The following CDK14 variants were observed in gnomAD, a reference collection of about 807,000 sequenced individuals.
CDK14 encodes cyclin dependent kinase 14, also known as cyclin-dependent kinase 14.
Under a neutral mutation model 60.7 loss-of-function variants are expected in CDK14, and 34 were observed. That is an observed-to-expected ratio of 0.56 (90% CI 0.43 to 0.75). The LOEUF is 0.75. Among genes scored for constraint, CDK14 ranks in the 30% least tolerant of loss-of-function variants. The probability of loss-of-function intolerance (pLI) is 0.00; values close to 1 mark genes in which losing one functional copy is unlikely to be tolerated. For missense variants in CDK14, 482 were observed against 564.1 expected, an observed-to-expected ratio of 0.85 and a Z score of 1.47; for synonymous variants, 197 against 203.7, an observed-to-expected ratio of 0.97 and a Z score of 0.28.
rs116758875 is a variant in CDK14, at chr7:90,740,527, G to C, written c.370-7154G>C. Among the ~76,000 whole-genome samples the C allele has an allele frequency of 6.1e-3, 923 of 152,166 alleles. 14 individuals carry two copies. The highest frequency in any genetic ancestry group is 0.021 in the African/African-American group (869 of 41,516). ...AGGGATCCCATCAACCAGAGGGAAG[G>C]CCATGTGAGGACACAAGAGAAGGTG... On this transcript the variant is annotated intron_variant, in intron 3 of 14. Transcript: ENST00000380050.
intron 6 of CDK14, among the ~76,000 whole-genome samples, chr7:90,873,494 C>A (rs1734138788): frequency 6.6e-6 from 1 of 152,084 alleles, no homozygotes; most frequent in Non-Finnish European, 1.5e-5. Context: ...CTTTTTCTTC[C>A]ATTTTATGAA....
intron 4 of CDK14, among the ~76,000 whole-genome samples, chr7:90,758,516 A>G (rs1041032045): frequency 1.3e-5 from 2 of 152,180 alleles, no homozygotes; most frequent in Non-Finnish European, 2.9e-5. Context: ...TTTACCTCTC[A>G]GTTTACCAAG....
chr7:90,636,599 T>G (rs1380438049), intron 2 of CDK14, among the ~76,000 whole-genome samples: 1 of 151,768 alleles, frequency 6.6e-6, no homozygotes, highest in Non-Finnish European at 1.5e-5. Flanking sequence ...AATTCTCTTT[T>G]TTGGTTGTAT....
intron 10 of CDK14, among the ~76,000 whole-genome samples, chr7:91,038,821 A>G (rs1797003079): frequency 2.6e-5 from 4 of 152,354 alleles, no homozygotes; most frequent in African/African-American, 4.8e-5. Flanking sequence ...GAGTTTCCCT[A>G]CACAAGCTCT....
rs59565390 is a variant in CDK14 at position 91,184,204 on chromosome 7, TAAA to T, written c.*29-22942_*29-22940del. ...TGGGTGACAGAGTGAGGCTCCGTCT[TAAA>T]AAAAAAAAAAAAAAAAAATTAGCTG... On this transcript the variant is annotated intron_variant, in intron 14 of 14. Coordinates refer to ENST00000380050, the MANE Select transcript of CDK14 (RefSeq NM_001287135.2). Among the ~76,000 whole-genome samples, 154 of 36,670 alleles carry T rather than the reference TAAA, an allele frequency of 4.2e-3. 6 individuals carry two copies. In the Middle Eastern group the frequency reaches 0.11, roughly 26 times the overall value. 24.1% of individuals were successfully genotyped at this position (36,670 alleles called of 152,430 possible).
At chr7:91,197,780 AG>A (rs1213935275) in intron 14 of CDK14, among the ~76,000 whole-genome samples, 1 of 152,254 alleles carries the variant, frequency 6.6e-6, no homozygotes, top group African/African-American at 2.4e-5. Flanking sequence ...TGTCTTTGAC[AG>A]CTCATCTTGG....
intron 14 of CDK14, among the ~76,000 whole-genome samples, chr7:91,123,893 G>A (rs924586228): frequency 7.2e-5 from 11 of 151,946 alleles, no homozygotes; most frequent in East Asian, 3.9e-4. Flanking sequence ...CATTCTTAAA[G>A]CATTTTTGTT....
intron 5 of CDK14, among the ~76,000 whole-genome samples, chr7:90,825,649 A>T (rs2188238): frequency 0.72 from 109,242 of 152,028 alleles, 39,462 homozygotes; most frequent in East Asian, 0.89. Context: ...AAAATATGGC[A>T]TGTTATGCAA....
At chr7:90,782,646 C>A (rs1805390996) in intron 4 of CDK14, among the ~76,000 whole-genome samples, 1 of 152,022 alleles carries the variant, frequency 6.6e-6, no homozygotes, top group South Asian at 2.1e-4. Flanking sequence ...TTATCCTTCA[C>A]TCCACACACA....
intron 14 of CDK14, among the ~76,000 whole-genome samples, chr7:91,158,129 C>T (rs1371538700): frequency 6.8e-6 from 1 of 147,146 alleles, no homozygotes; most frequent in African/African-American, 2.5e-5. Context: ...AGTATATATA[C>T]ATTATATACA....
chr7:90,765,847 A>C (rs921845397), intron 4 of CDK14, among the ~76,000 whole-genome samples: 10 of 152,208 alleles, frequency 6.6e-5, no homozygotes, highest in Non-Finnish European at 1.5e-4. Flanking sequence ...GAGTCAGTAG[A>C]AAGAGAAAAA....
intron 10 of CDK14, among the ~76,000 whole-genome samples, chr7:91,013,400 G>C (rs1796214690): frequency 6.6e-6 from 1 of 152,126 alleles, no homozygotes; most frequent in East Asian, 1.9e-4. Context: ...CTTTGTATTT[G>C]ACTTCATTAC....
At chr7:91,191,715 T>C (rs1236721135) in intron 14 of CDK14, among the ~76,000 whole-genome samples, 4 of 151,668 alleles carry the variant, frequency 2.6e-5, no homozygotes, top group Non-Finnish European at 5.9e-5. Flanking sequence ...GAAGGGGAAA[T>C]GAGGAATGGT....
chr7:90,828,765 T>G lies in CDK14; in HGVS notation c.545-34410T>G, dbSNP rs376220667. 3.3e-5 allele frequency among the ~76,000 whole-genome samples: 5 copies of G among 152,338 alleles called. No homozygotes were observed. The South Asian group carries it at 8.3e-4, about 25-fold the overall frequency. ...TAAAGAAATTATACTCTTTTACAAT[T>G]CAGATGTTTGAGGTCTCTGTTGACA... On this transcript the variant is annotated intron_variant, in intron 5 of 14. Coordinates refer to ENST00000380050, the MANE Select transcript of CDK14 (RefSeq NM_001287135.2).
chr7:90,827,035 G>A (rs141045746), intron 5 of CDK14, among the ~76,000 whole-genome samples: 4 of 152,006 alleles, frequency 2.6e-5, no homozygotes, highest in African/African-American at 7.2e-5. Flanking sequence ...ACAGTATCAT[G>A]CAGAATACTT....
At chr7:90,998,813 C>A (rs1207650887) in intron 10 of CDK14, among the ~76,000 whole-genome samples, 1 of 152,184 alleles carries the variant, frequency 6.6e-6, no homozygotes, top group Admixed American at 6.6e-5. Flanking sequence ...GGCCTGAACC[C>A]GGGAGGCGGA....
chr7:90,785,221 G>A (rs1490663072), intron 4 of CDK14, among the ~76,000 whole-genome samples: 1 of 152,074 alleles, frequency 6.6e-6, no homozygotes, highest in Non-Finnish European at 1.5e-5. Flanking sequence ...TTCATATCTT[G>A]TAGACATAAT....
chr7:91,206,181 C>G (rs191246966), intron 14 of CDK14, among the ~76,000 whole-genome samples: 1 of 152,284 alleles, frequency 6.6e-6, no homozygotes, highest in African/African-American at 2.4e-5. Flanking sequence ...GGGGTGATGT[C>G]CTTGATGCCA....
intron 5 of CDK14, among the ~76,000 whole-genome samples, chr7:90,838,319 G>A (rs943773138): frequency 6.6e-6 from 1 of 152,074 alleles, no homozygotes; most frequent in Non-Finnish European, 1.5e-5. Flanking sequence ...GGCTGAGGAT[G>A]TATGTCACCT....
Sources: allele counts gnomAD v4.1 joint callset (sites outside exome capture counted in the v4.1 genomes callset), GRCh38; gene constraint gnomAD v4.1.1; transcripts MANE v1.5; gene names NCBI Gene and HGNC (gene_info 2026-07-23, HGNC 2026-07-21).